LLPH: variants seen among roughly 807,000 people sequenced by gnomAD.
LLPH encodes LLP homolog, long-term synaptic facilitation factor, also known as protein LLP homolog.
A neutral mutation model predicts 13.3 loss-of-function variants in LLPH; 5 were observed. The ratio of observed to expected loss-of-function variants is 0.38; its 90% CI spans 0.20 to 0.79. The LOEUF is 0.79. Ranked by LOEUF, LLPH falls within the 30% of genes least tolerant of loss-of-function variation. The pLI, the probability that LLPH is intolerant of heterozygous loss-of-function variation, is 0.45. For missense variants in LLPH, 129 were observed against 152.1 expected (o/e 0.85, Z 0.80); for synonymous variants, 32 against 44.2 (o/e 0.72, Z 1.09).
At chr12:66,128,031 A>C (rs2051508551) in intron 2 of LLPH, among the ~76,000 whole-genome samples, 1 of 152,214 alleles carries the variant, frequency 6.6e-6, no homozygotes, top group South Asian at 2.1e-4. Context: ...ATTCTTATAG[A>C]CTTGGGTAGT....
At position 66,118,417 on chromosome 12, in the gene LLPH, C is replaced by T. The variant is rs1007023334; in HGVS notation, c.*5423G>A. 6.6e-6 allele frequency: 1 copy of T among 150,992 alleles called. No homozygotes were observed. The highest frequency in any genetic ancestry group is 1.5e-5 in the Non-Finnish European group (1 of 67,888). 9.4% of individuals were successfully genotyped at this position (150,992 alleles called of 1,614,324 possible). ...TATACAGTCATGTCTGAGGCCTTCA[C>T]ATTCACTCATGGCTTACTCATTGAC... On this transcript the variant is annotated 3_prime_UTR_variant, in exon 3 of 3. Coordinates refer to ENST00000266604, the MANE Select transcript of LLPH (RefSeq NM_032338.4).
rs763562496 is a variant in LLPH, at chr12:66,123,810, C to T, written c.*30G>A. ...TATACATTCTAATCCGTCATCTATC[C>T]CATGTGGCATTTTCCAAGGTTTTAA... On this transcript the variant is annotated 3_prime_UTR_variant, in exon 3 of 3. Coordinates refer to ENST00000266604, the MANE Select transcript of LLPH (RefSeq NM_032338.4). 3.7e-6 allele frequency: 6 copies of T among 1,608,090 alleles called. No individual in the cohort carries two copies. In the African/African-American group the frequency reaches 4.0e-5, roughly 11 times the overall value.
chr12:66,127,501 G>A (rs116222151), intron 2 of LLPH, among the ~76,000 whole-genome samples: 218 of 150,232 alleles, frequency 1.5e-3, no homozygotes, highest in African/African-American at 4.9e-3. Context: ...GGTTGCCAGA[G>A]GCTGGGGGTA....
chr12:66,124,840 C>G (rs886764056), intron 2 of LLPH, among the ~76,000 whole-genome samples: 2 of 152,172 alleles, frequency 1.3e-5, no homozygotes, highest in Admixed American at 6.5e-5. Flanking sequence ...ATATGAACTC[C>G]TAGCCCTCAC....
chr12:66,126,922 C>T (rs1031930760), intron 2 of LLPH, among the ~76,000 whole-genome samples: 13 of 151,084 alleles, frequency 8.6e-5, no homozygotes, highest in Non-Finnish European at 1.2e-4. Context: ...CAGTAAGACT[C>T]CATCTCAAAA....
Position 66,123,205 on chromosome 12 carries a change from A to T in LLPH, c.*635T>A, listed in dbSNP as rs2051474834. The T allele has an allele frequency of 6.6e-6, 1 of 151,424 alleles. No homozygotes were observed. The allele number at this position is 151,424 out of a possible 1,614,324, so 9.4% of individuals were successfully genotyped here. A position where few individuals can be genotyped will look rare whatever the true frequency, so the allele number is the denominator to read the frequency against. ...GAGTGCAGTGGGGCAATCTTGGCTCACTGCAACCTCCATCTCCTGGGTTCA... is the reference window on the plus strand; with the variant it reads ...GAGTGCAGTGGGGCAATCTTGGCTCTCTGCAACCTCCATCTCCTGGGTTCA... On this transcript the variant is annotated 3_prime_UTR_variant, in exon 3 of 3. Coordinates refer to ENST00000266604, the MANE Select transcript of LLPH (RefSeq NM_032338.4).
chr12:66,120,576 CTT>C lies in LLPH; in HGVS notation c.*3262_*3263del, dbSNP rs2051456683. The C allele has an allele frequency of 6.6e-6, 1 of 152,148 alleles. No homozygotes were observed. The highest frequency in any genetic ancestry group is 1.5e-5 in the Non-Finnish European group (1 of 68,016). The allele number at this position is 152,148 out of a possible 1,614,324, so 9.4% of individuals were successfully genotyped here. A position where few individuals can be genotyped will look rare whatever the true frequency, so the allele number is the denominator to read the frequency against. ...CTTTAAATTATATTTTGATTTCAGA[CTT>C]AATTTCTTAAAACACAAAAAGTGTT... is the stretch of plus-strand genomic sequence containing the variant. On this transcript the variant is annotated 3_prime_UTR_variant, in exon 3 of 3. Transcript: ENST00000266604.
intron 2 of LLPH, 98 bp downstream of exon 2, chr12:66,128,798 A>G: frequency 1.2e-6 from 1 of 804,730 alleles, no homozygotes; most frequent in East Asian, 2.5e-5. Context: ...GGAAGCTATA[A>G]TCACACCACT....
intron 2 of LLPH, among the ~76,000 whole-genome samples, chr12:66,124,782 G>A (rs1323347261): frequency 6.6e-6 from 1 of 152,186 alleles, no homozygotes; most frequent in African/African-American, 2.4e-5. Flanking sequence ...ACTAGGTGTT[G>A]AATGATTATT....
chr12:66,130,183 A>T (rs944530674), intron 1 of LLPH, among the ~76,000 whole-genome samples: 1 of 151,846 alleles, frequency 6.6e-6, no homozygotes, highest in Non-Finnish European at 1.5e-5. Flanking sequence ...CTCAGAAAGG[A>T]CTCCTCTGAC....
At chr12:66,125,109 T>G (rs966612471) in intron 2 of LLPH, among the ~76,000 whole-genome samples, 5 of 152,124 alleles carry the variant, frequency 3.3e-5, no homozygotes, top group Admixed American at 6.6e-5. Flanking sequence ...AAGAACATGT[T>G]AAGATAATGA....
At position 66,120,768 on chromosome 12, in the gene LLPH, A is replaced by G. The variant is rs1420354084; in HGVS notation, c.*3072T>C. On this transcript the variant is annotated 3_prime_UTR_variant, in exon 3 of 3. Transcript: ENST00000266604. ...AGCTAATTATTTAAAAGATAAAAGG[A>G]CTATGCTATACTTCTCGATTTGTAA... The G allele has an allele frequency of 6.6e-6, 1 of 152,212 alleles. No individual in the cohort carries two copies. The highest frequency in any genetic ancestry group is 1.5e-5 in the Non-Finnish European group (1 of 68,040). 9.4% of individuals were successfully genotyped at this position (152,212 alleles called of 1,614,324 possible). A position where few individuals can be genotyped will look rare whatever the true frequency, so the allele number is the denominator to read the frequency against.
rs1000685194 is a variant in LLPH, at chr12:66,118,890, G to C, written c.*4950C>G. On this transcript the variant is annotated 3_prime_UTR_variant, in exon 3 of 3. Coordinates refer to ENST00000266604, the MANE Select transcript of LLPH (RefSeq NM_032338.4). ...AAGATCCTGGCACCAATCCCCGATA[G>C]ATTCTGAAGGATAACTCTACAGTGT... 5 of 152,164 alleles carry C rather than the reference G, an allele frequency of 3.3e-5. No homozygotes were observed. The highest frequency in any genetic ancestry group is 1.2e-4 in the African/African-American group (5 of 41,436). 9.4% of individuals were successfully genotyped at this position (152,164 alleles called of 1,614,324 possible). A position where few individuals can be genotyped will look rare whatever the true frequency, so the allele number is the denominator to read the frequency against.
chr12:66,128,780 A>G, intron 2 of LLPH, 116 bp downstream of exon 2: 1 of 708,730 alleles, frequency 1.4e-6, no homozygotes, highest in South Asian at 1.9e-5. Flanking sequence ...CAGGAATTCA[A>G]GGCTGCAGGA....
intron 2 of LLPH, among the ~76,000 whole-genome samples, chr12:66,125,015 C>A (rs1345239177): frequency 1.3e-5 from 2 of 152,080 alleles, no homozygotes; most frequent in African/African-American, 4.8e-5. Flanking sequence ...CTTGGTCACG[C>A]CTGTGAACAG....
At chr12:66,129,173 C>T in intron 1 of LLPH, 60 bp from the exon 2 acceptor site, 2 of 1,171,754 alleles carry the variant, frequency 1.7e-6, no homozygotes, top group Non-Finnish European at 2.5e-6. Flanking sequence ...AGAAAACAGG[C>T]AAATCCTTAG....
rs2051469865 is a variant in LLPH at position 66,122,577 on chromosome 12, A to T, written c.*1263T>A. 1 of 152,244 alleles carries T rather than the reference A, an allele frequency of 6.6e-6. No homozygotes were observed. The highest frequency in any genetic ancestry group is 1.5e-5 in the Non-Finnish European group (1 of 68,048). 9.4% of individuals were successfully genotyped at this position (152,244 alleles called of 1,614,324 possible). The stretch of plus-strand genomic sequence containing the variant: ...GGGAATGCTAAGTTTAGATTGCTTA[A>T]CTAAAAGTAAAATAAAAATGAATTT... On this transcript the variant is annotated 3_prime_UTR_variant, in exon 3 of 3. Transcript: ENST00000266604.
chr12:66,126,152 G>A lies in LLPH; in HGVS notation c.212-2134C>T, dbSNP rs147383928. Among the ~76,000 whole-genome samples, 815 of 151,726 alleles carry A rather than the reference G, an allele frequency of 5.4e-3. 13 individuals carry two copies. Among genetic ancestry groups the A allele is most frequent in the African/African-American group, 0.018 (751 of 41,388 alleles). ...ATCCTGGCTAACATGGTGAAACCCC[G>A]TCTCCACTAAAAATACAAAAAATTA... On this transcript the variant is annotated intron_variant, in intron 2 of 2. Transcript: ENST00000266604.
rs1244567747 is a variant in LLPH, at chr12:66,119,513, T to C, written c.*4327A>G. The C allele has an allele frequency of 6.6e-6, 1 of 152,178 alleles. No homozygotes were observed. Among genetic ancestry groups the C allele is most frequent in the Non-Finnish European group, 1.5e-5 (1 of 68,020 alleles). 9.4% of individuals were successfully genotyped at this position (152,178 alleles called of 1,614,324 possible). ...CAGTCCCACCTCACCCCTAAACATT[T>C]CCTTGTAAAATTGGTATGTGTCTAC... On this transcript the variant is annotated 3_prime_UTR_variant, in exon 3 of 3. Transcript: ENST00000266604.
Sources: gnomAD v4.1 joint callset for allele counts (sites outside exome capture counted in the v4.1 genomes callset) on GRCh38, gnomAD v4.1.1 for gene constraint, MANE v1.5 for transcripts, NCBI Gene and HGNC (gene_info 2026-07-23, HGNC 2026-07-21) for gene names.